The following SCARA5 variants were observed in gnomAD, a reference collection of about 807,000 sequenced individuals.
SCARA5 encodes the protein scavenger receptor class A member 5.
Under a neutral mutation model 46.3 loss-of-function variants are expected in SCARA5, and 45 were observed. The ratio of observed to expected loss-of-function variants is 0.97; its 90% CI spans 0.76 to 1.24. SCARA5 has a LOEUF of 1.24. Among genes scored for constraint, SCARA5 ranks in the 50% most tolerant of loss-of-function variants. The probability of loss-of-function intolerance (pLI) is 0.00; values close to 1 mark genes in which losing one functional copy is unlikely to be tolerated. For synonymous variants in SCARA5, 333 were observed against 306.5 expected, an observed-to-expected ratio of 1.09 and a Z score of -0.90; for missense variants, 680 against 689.0, an observed-to-expected ratio of 0.99 and a Z score of 0.15.
intron 2 of SCARA5, among the ~76,000 whole-genome samples, chr8:27,969,522 A>G (rs1454652946): frequency 6.6e-6 from 1 of 152,188 alleles, no homozygotes. Flanking sequence ...GAACAGGCGG[A>G]GCACGGGGGA....
intron 2 of SCARA5, among the ~76,000 whole-genome samples, chr8:27,977,972 C>T (rs1002187703): frequency 3.3e-5 from 5 of 151,436 alleles, no homozygotes; most frequent in African/African-American, 4.9e-5. Context: ...ATTGGATATA[C>T]TGGATTCACT....
At chr8:27,968,269 C>A (rs944413311) in intron 2 of SCARA5, among the ~76,000 whole-genome samples, 2 of 152,208 alleles carry the variant, frequency 1.3e-5, no homozygotes, top group Non-Finnish European at 2.9e-5. Context: ...GCTGTTAAAC[C>A]AGCTAAACAG....
At chr8:27,963,189 T>C (rs1459939291) in intron 3 of SCARA5, among the ~76,000 whole-genome samples, 1 of 152,190 alleles carries the variant, frequency 6.6e-6, no homozygotes, top group Non-Finnish European at 1.5e-5. Flanking sequence ...CCACAGTGAC[T>C]GCCTAGAAGA....
In SCARA5 at chr8:27,880,392, GAA is replaced by G. The variant is rs34715999; in HGVS notation, c.1154-628_1154-627del. Reference sequence around the variant, plus strand: ...ATTAAACTAAAGAGCTTCTGTACAGGAAAAAAAAAAAAAAACCTATCAACAAA... The same window carrying G: ...ATTAAACTAAAGAGCTTCTGTACAGGAAAAAAAAAAAAACCTATCAACAAA... On this transcript the variant is annotated intron_variant, in intron 7 of 8. Transcript: ENST00000354914. 4.6e-3 allele frequency among the ~76,000 whole-genome samples: 644 copies of G among 138,662 alleles called. 2 individuals are homozygous for G. The highest frequency in any genetic ancestry group is 0.016 in the African/African-American group (595 of 37,730). 91.0% of individuals were successfully genotyped at this position (138,662 alleles called of 152,430 possible). A position where few individuals can be genotyped will look rare whatever the true frequency, so the allele number is the denominator to read the frequency against.
intron 3 of SCARA5, among the ~76,000 whole-genome samples, chr8:27,948,224 C>G (rs1032630038): frequency 6.6e-6 from 1 of 152,102 alleles, no homozygotes; most frequent in Non-Finnish European, 1.5e-5. Context: ...GATTTGGCCT[C>G]GGGCTGGGTT....
chr8:27,910,446 G>T (rs908145628), intron 4 of SCARA5: 1 of 152,358 alleles, frequency 6.6e-6, no homozygotes, highest in Non-Finnish European at 1.5e-5. Flanking sequence ...AAAGATGAGG[G>T]ACACACTGGG....
chr8:27,918,534 C>T (rs62496802), intron 4 of SCARA5, among the ~76,000 whole-genome samples: 6 of 125,360 alleles, frequency 4.8e-5, no homozygotes, highest in Admixed American at 1.7e-4. Context: ...GAGGAAAAGG[C>T]AGAGGAGGAA....
intron 3 of SCARA5, among the ~76,000 whole-genome samples, chr8:27,962,620 C>G (rs1563539631): frequency 6.6e-6 from 1 of 152,176 alleles, no homozygotes; most frequent in Non-Finnish European, 1.5e-5. Context: ...CAGGGACAGA[C>G]CTGCTTGAAA....
At chr8:27,989,129 C>CTTTTTTTTTTTTTTTTTTTTT (rs34929623) in intron 1 of SCARA5, among the ~76,000 whole-genome samples, 3 of 68,314 alleles carry the variant, frequency 4.4e-5, no homozygotes, top group African/African-American at 1.8e-4. Context: ...TTCTTTCTTT[C>CTTTTTTTTTTTTTTTTTTTTT]TTTTTTTTTT....
intron 3 of SCARA5, among the ~76,000 whole-genome samples, chr8:27,945,185 A>AC (rs1191550395): frequency 2.0e-5 from 3 of 152,080 alleles, no homozygotes; most frequent in African/African-American, 7.2e-5. Flanking sequence ...TAAATTGAAA[A>AC]AAAAAAAAGG....
chr8:27,990,397 T>C (rs2129994030), intron 1 of SCARA5, among the ~76,000 whole-genome samples: 1 of 152,262 alleles, frequency 6.6e-6, no homozygotes, highest in South Asian at 2.1e-4. Context: ...AGATCATGGA[T>C]CTTACTGTCT....
chr8:27,915,949 C>T (rs1807454545), intron 4 of SCARA5, among the ~76,000 whole-genome samples: 1 of 151,772 alleles, frequency 6.6e-6, no homozygotes, highest in African/African-American at 2.4e-5. Context: ...GGTTACCTTT[C>T]CCCTCCTGGG....
At chr8:27,934,373 T>G (rs1807823429) in intron 3 of SCARA5, among the ~76,000 whole-genome samples, 1 of 152,246 alleles carries the variant, frequency 6.6e-6, no homozygotes, top group African/African-American at 2.4e-5. Flanking sequence ...GAGGTCGCAC[T>G]GTTTCACTTA....
rs374738537 is a variant in SCARA5, at chr8:27,921,715, C to A, written c.772G>T (p.Asp258Tyr). The A allele has an allele frequency of 6.3e-7, 1 of 1,597,452 alleles. No individual in the cohort carries two copies. The highest frequency in any genetic ancestry group is 8.5e-7 in the Non-Finnish European group (1 of 1,173,420). Residue 258 changes from aspartate to tyrosine, a missense_variant, in exon 4 of 9, where the codon GAC (aspartate) becomes TAC (tyrosine). By Grantham distance (160) the Asp-to-Tyr change is radical (BLOSUM62 -3). Transcript: ENST00000354914. ...TGCGCCAGGCGCAGGCGGCGCGTGT[C>A]CTCGCTGGCGTTGCTCACCAGCACC... ...LRVLVSNASE[D>Y]TRRLRLAHVG... is the part of the protein sequence containing the mutation.
chr8:27,978,769 C>T (rs941793645), intron 2 of SCARA5, among the ~76,000 whole-genome samples: 5 of 152,120 alleles, frequency 3.3e-5, no homozygotes, highest in African/African-American at 1.2e-4. Flanking sequence ...TCTCGGCCTC[C>T]CAAAGCACTG....
intron 3 of SCARA5, among the ~76,000 whole-genome samples, chr8:27,954,278 G>A (rs753961260): frequency 1.6e-4 from 25 of 152,022 alleles, no homozygotes; most frequent in African/African-American, 4.4e-4. Flanking sequence ...TTCTCGGGGC[G>A]ACAGAAGATT....
At chr8:27,913,943 C>T (rs957321293) in intron 4 of SCARA5, among the ~76,000 whole-genome samples, 3 of 152,202 alleles carry the variant, frequency 2.0e-5, no homozygotes, top group African/African-American at 7.2e-5. Context: ...CCCTCTTAGT[C>T]CTGAGACTGC....
intron 3 of SCARA5, among the ~76,000 whole-genome samples, chr8:27,926,694 G>T (rs916289298): frequency 5.3e-5 from 8 of 152,160 alleles, no homozygotes; most frequent in Non-Finnish European, 7.4e-5. Context: ...TTTATTTAGT[G>T]CAGTTTGATC....
At chr8:27,954,220 C>T (rs538457858) in intron 3 of SCARA5, among the ~76,000 whole-genome samples, 1 of 152,160 alleles carries the variant, frequency 6.6e-6, no homozygotes, top group Admixed American at 6.5e-5. Flanking sequence ...CTAGAAGAGG[C>T]CAGCTGGCCC....
Sources: gnomAD v4.1 joint callset for allele counts (sites outside exome capture counted in the v4.1 genomes callset) on GRCh38, gnomAD v4.1.1 for gene constraint, MANE v1.5 for transcripts, NCBI Gene and HGNC (gene_info 2026-07-23, HGNC 2026-07-21) for gene names.